The following TCF20 variants were observed in gnomAD, a reference collection of about 807,000 sequenced individuals.
TCF20 encodes SPRE-binding protein.
In TCF20, 3 loss-of-function variants were observed where a neutral mutation model predicts 148.6. The observed-to-expected ratio is 0.02, with a 90% confidence interval of 0.01 to 0.05. The LOEUF is 0.05. TCF20 is among the 10% of genes least tolerant of loss of function. The pLI is 1.00. For missense variants in TCF20, 2,350 were observed against 2,429.3 expected, an observed-to-expected ratio of 0.97 and a Z score of 0.69; for synonymous variants, 1,049 against 909.5, an observed-to-expected ratio of 1.15 and a Z score of -2.76.
chr22:42,236,303 C>CA (rs1923881349), intron 1 of TCF20, among the ~76,000 whole-genome samples: 1 of 152,158 alleles, frequency 6.6e-6, no homozygotes, highest in Non-Finnish European at 1.5e-5. Context: ...ATTGGTGTAA[C>CA]AGCACTCTGT....
chr22:42,198,237 G>C (rs117542216), intron 2 of TCF20, among the ~76,000 whole-genome samples: 1,811 of 152,268 alleles, frequency 0.012, 24 homozygotes, highest in Non-Finnish European at 0.013. Context: ...TGTGATGATG[G>C]AGACTCACAA....
rs969308615 is a variant in TCF20 at position 42,202,735 on chromosome 22, G to A, written c.5655+6916C>T. On this transcript the variant is annotated intron_variant, in intron 2 of 5. Coordinates refer to ENST00000677622, the MANE Select transcript of TCF20 (RefSeq NM_001378418.1). Reference sequence around the variant, plus strand: ...TTTTCCTGAAACAGTATTGGATGAAGCAAGCCGTATCTTTTGGAAAAATCG... The same window carrying A: ...TTTTCCTGAAACAGTATTGGATGAAACAAGCCGTATCTTTTGGAAAAATCG... Among the ~76,000 whole-genome samples, 4 of 152,334 alleles carry A rather than the reference G, an allele frequency of 2.6e-5. No individual in the cohort carries two copies. In the South Asian group the frequency reaches 8.3e-4, roughly 32 times the overall value.
intron 1 of TCF20, among the ~76,000 whole-genome samples, chr22:42,258,271 C>A (rs142994063): frequency 1.0e-3 from 159 of 152,122 alleles, no homozygotes; most frequent in Non-Finnish European, 1.9e-3. Context: ...TACCTCCCCC[C>A]CCTTCCCTAG....
chr22:42,210,956 A>T lies in TCF20; in HGVS notation c.4350T>A (p.His1450Gln), dbSNP rs1197149357. 6.2e-7 allele frequency: 1 copy of T among 1,614,054 alleles called. No individual in the cohort carries two copies. Among genetic ancestry groups the T allele is most frequent in the South Asian group, 1.1e-5 (1 of 91,064 alleles). The change falls in exon 2 of 6, where the codon CAT becomes CAA. Residue 1450 changes from histidine (H) to glutamine (Q), a missense_variant. Physicochemically the swap from His to Gln is conservative, Grantham distance 24 (BLOSUM62 0). This residue lies in a region of TCF20 where 231 missense variants were observed against 213.7 expected (regional missense o/e 1.08). Transcript: ENST00000677622. The surrounding 1 kb of genome is among the most constrained non-coding windows in gnomAD (Gnocchi z 4.7). ...SVDDKVKTET[H>Q]AETVTAGKEP... ...CCTTTCCGGCAGTAACTGTTTCTGC[A>T]TGTGTCTCTGTCTTCACTTTGTCAT...
rs188452923 is a variant in TCF20 at position 42,337,058 on chromosome 22, A to T, written c.-37+6421T>A. Among the ~76,000 whole-genome samples the T allele has an allele frequency of 9.6e-4, 146 of 152,232 alleles. 2 individuals are homozygous for T. The highest frequency in any genetic ancestry group is 2.4e-4 in the Non-Finnish European group (16 of 68,004). ...TCGGGCCTGGCACACAGCACTCCAC[A>T]CATCTGTTCACTGAATGAGTGCATG... is the stretch of plus-strand genomic sequence containing the variant. On this transcript the variant is annotated intron_variant, in intron 1 of 1. Coordinates refer to the TCF20 transcript ENST00000515426.
At chr22:42,268,175 T>C (rs1926396264) in intron 1 of TCF20, among the ~76,000 whole-genome samples, 1 of 152,174 alleles carries the variant, frequency 6.6e-6, no homozygotes, top group East Asian at 1.9e-4. Context: ...GGGGATTTAA[T>C]TTTAAAAATT....
intron 1 of TCF20, among the ~76,000 whole-genome samples, chr22:42,293,939 G>T (rs113253914): frequency 0.091 from 13,924 of 152,286 alleles, 768 homozygotes; most frequent in African/African-American, 0.13. Context: ...GCCGGAGGTT[G>T]CAGTGAGGCA....
At chr22:42,167,027 G>T (rs746758553) in intron 5 of TCF20, among the ~76,000 whole-genome samples, 5 of 152,214 alleles carry the variant, frequency 3.3e-5, no homozygotes, top group Non-Finnish European at 7.3e-5. Flanking sequence ...AGCAGGCAGT[G>T]CTGCCCAGCA....
At chr22:42,263,069 C>A (rs1300537883) in intron 1 of TCF20, among the ~76,000 whole-genome samples, 1 of 152,118 alleles carries the variant, frequency 6.6e-6, no homozygotes, top group Non-Finnish European at 1.5e-5. Flanking sequence ...TATTTTAGTG[C>A]CTTCCCCCAA....
intron 4 of TCF20, 141 bp from the exon 5 acceptor site, chr22:42,168,877 T>C (rs1219939754): frequency 4.2e-6 from 5 of 1,184,156 alleles, no homozygotes; most frequent in Admixed American, 3.5e-5. Context: ...ACAGGAGACA[T>C]TCAGACAGGG....
intron 1 of TCF20, among the ~76,000 whole-genome samples, chr22:42,226,375 G>A (rs1331591037): frequency 6.6e-6 from 1 of 152,186 alleles, no homozygotes; most frequent in Non-Finnish European, 1.5e-5. Context: ...CCACTTATAG[G>A]CTAAAAGGAT....
At chr22:42,282,111 G>A (rs928010797) in intron 1 of TCF20, among the ~76,000 whole-genome samples, 32 of 152,242 alleles carry the variant, frequency 2.1e-4, no homozygotes, top group Non-Finnish European at 1.9e-4. Flanking sequence ...GGTGACGTCA[G>A]GTTAGGGACC....
intron 3 of TCF20, among the ~76,000 whole-genome samples, chr22:42,174,281 G>C (rs868684020): frequency 1.2e-4 from 18 of 152,258 alleles, no homozygotes; most frequent in African/African-American, 4.3e-4. Context: ...CTGGTTTGTG[G>C]TTACCACATT....
At chr22:42,288,419 C>T (rs531001218), upstream of TCF20, among the ~76,000 whole-genome samples, 22 of 151,774 alleles carry the variant, frequency 1.4e-4, no homozygotes, top group Non-Finnish European at 3.2e-4. Flanking sequence ...GCCTGTAGTC[C>T]CAGCTACTCG....
At chr22:42,225,945 CTAT>C (rs1048763837) in intron 1 of TCF20, among the ~76,000 whole-genome samples, 1 of 152,198 alleles carries the variant, frequency 6.6e-6, no homozygotes, top group African/African-American at 2.4e-5. Flanking sequence ...GTCGGCAGGC[CTAT>C]TATTAGGCAT....
At chr22:42,196,144 G>A (rs1244848855) in intron 2 of TCF20, among the ~76,000 whole-genome samples, 1 of 152,202 alleles carries the variant, frequency 6.6e-6, no homozygotes, top group Non-Finnish European at 1.5e-5. Flanking sequence ...GGTCTCAGAG[G>A]TCTGTCCTAC....
At chr22:42,222,080 G>C (rs978522334) in intron 1 of TCF20, among the ~76,000 whole-genome samples, 6 of 152,176 alleles carry the variant, frequency 3.9e-5, no homozygotes, top group Non-Finnish European at 8.8e-5. Flanking sequence ...GACAGAGCAA[G>C]GCCTCTGGCC....
rs919140765 is a variant in TCF20 at position 42,338,421 on chromosome 22, G to A, written c.-37+5058C>T. ...CTTAAATGGCAGCGCAGAGTCGGGA[G>A]GGGGGTGCCCAGGGGGCCTCAGCAG... On this transcript the variant is annotated intron_variant, in intron 1 of 1. Transcript: ENST00000515426. The surrounding 1 kb of genome is among the most constrained non-coding windows in gnomAD (Gnocchi z 4.0). Among the ~76,000 whole-genome samples the A allele has an allele frequency of 3.8e-3, 26 of 6,892 alleles. No homozygotes were observed. The Admixed American group carries it at 0.042, about 11-fold the overall frequency. The allele number at this position is 6,892 out of a possible 152,430, so 4.5% of individuals were successfully genotyped here.
Position 42,212,087 on chromosome 22 carries a change from C to T in TCF20, c.3219G>A (p.Gly1073=), listed in dbSNP as rs1921006934. ...GAGAATTCAAACCTGCGTTAGGGTCCCCATAAGCATGAGCCCGAGTATTTG... is the reference window on the plus strand; with the variant it reads ...GAGAATTCAAACCTGCGTTAGGGTCTCCATAAGCATGAGCCCGAGTATTTG... ...YHANTRAHAY[G]DPNAGLNSQL... is the part of the protein sequence containing the mutation. Residue 1073 remains glycine (G), a synonymous_variant, in exon 2 of 6, where the codon GGG becomes GGA. Transcript: ENST00000677622. The T allele has an allele frequency of 1.2e-6, 2 of 1,614,096 alleles. No individual in the cohort carries two copies. Among genetic ancestry groups the T allele is most frequent in the South Asian group, 1.1e-5 (1 of 91,082 alleles).
Sources: allele counts gnomAD v4.1 joint callset (sites outside exome capture counted in the v4.1 genomes callset), GRCh38; gene constraint gnomAD v4.1.1; regional missense constraint gnomAD v4.1.1; non-coding constraint Gnocchi (gnomAD v3.1); transcripts MANE v1.5; gene names NCBI Gene and HGNC (gene_info 2026-07-23, HGNC 2026-07-21).